EPHA6: variants seen among roughly 807,000 people sequenced by gnomAD.
EPHA6 encodes the protein EPH receptor A6.
Under a neutral mutation model 112.0 loss-of-function variants are expected in EPHA6, and 50 were observed. The observed-to-expected ratio is 0.45, with a 90% CI of 0.36 to 0.56. The LOEUF is 0.56. Among genes scored for constraint, EPHA6 ranks in the 20% least tolerant of loss-of-function variants. The pLI is 0.00. For missense variants in EPHA6, 1,280 were observed against 1,417.4 expected (o/e 0.90, Z 1.56); for synonymous variants, 529 against 490.7 (o/e 1.08, Z -1.03).
chr3:97,357,610 T>A (rs964665255), intron 5 of EPHA6, among the ~76,000 whole-genome samples: 2 of 152,198 alleles, frequency 1.3e-5, no homozygotes, highest in African/African-American at 4.8e-5. Flanking sequence ...GGATTTTTAG[T>A]TGACCCTTGA....
intron 3 of EPHA6, among the ~76,000 whole-genome samples, chr3:97,100,641 C>A (rs2047377171): frequency 6.6e-6 from 1 of 151,822 alleles, no homozygotes; most frequent in Admixed American, 6.6e-5. Flanking sequence ...TAAGTAGGAA[C>A]AAGACAGGAT....
chr3:97,538,169 A>G (rs575316198), intron 11 of EPHA6, among the ~76,000 whole-genome samples: 1 of 152,312 alleles, frequency 6.6e-6, no homozygotes, highest in Admixed American at 6.5e-5. Flanking sequence ...GACAAAATAT[A>G]AGGAGGCTAG....
chr3:97,164,943 G>T (rs539408159), intron 3 of EPHA6, among the ~76,000 whole-genome samples: 1 of 152,070 alleles, frequency 6.6e-6, no homozygotes, highest in African/African-American at 2.4e-5. Context: ...ATTTAATACT[G>T]TAAGAACAGA....
intron 12 of EPHA6, among the ~76,000 whole-genome samples, chr3:97,601,527 T>C (rs2093643310): frequency 6.6e-6 from 1 of 152,160 alleles, no homozygotes; most frequent in Admixed American, 6.6e-5. Context: ...TTCATTGTTT[T>C]GCTTTGTAGG....
intron 1 of EPHA6, among the ~76,000 whole-genome samples, chr3:96,846,242 G>A (rs1003289492): frequency 1.3e-5 from 2 of 151,994 alleles, no homozygotes; most frequent in African/African-American, 4.8e-5. Flanking sequence ...CTGTCCCATA[G>A]CGGTAATTCT....
intron 11 of EPHA6, among the ~76,000 whole-genome samples, chr3:97,585,877 G>C (rs2093483041): frequency 6.6e-6 from 1 of 152,024 alleles, no homozygotes; most frequent in Non-Finnish European, 1.5e-5. Context: ...TATGTCATAG[G>C]TTAAAAAATA....
At chr3:96,830,029 T>G (rs779661849) in intron 1 of EPHA6, among the ~76,000 whole-genome samples, 17 of 151,632 alleles carry the variant, frequency 1.1e-4, no homozygotes, top group South Asian at 2.1e-4. Context: ...TAAGTTCTTT[T>G]TCACTAGAGT....
chr3:97,274,529 G>A (rs79433817), intron 5 of EPHA6, among the ~76,000 whole-genome samples: 9 of 152,126 alleles, frequency 5.9e-5, no homozygotes, highest in African/African-American at 2.2e-4. Context: ...AATATGAAAG[G>A]CATATTTAGA....
At chr3:97,493,998 A>C (rs907050159) in intron 10 of EPHA6, among the ~76,000 whole-genome samples, 1 of 151,958 alleles carries the variant, frequency 6.6e-6, no homozygotes, top group Non-Finnish European at 1.5e-5. Flanking sequence ...GAAAGATTTC[A>C]AAAAATCAAT....
chr3:97,204,349 G>A (rs2077659554), intron 3 of EPHA6, among the ~76,000 whole-genome samples: 1 of 151,990 alleles, frequency 6.6e-6, no homozygotes, highest in African/African-American at 2.4e-5. Flanking sequence ...TCATTACATA[G>A]CACTTACCAT....
At chr3:96,888,606 A>T (rs902668142) in intron 2 of EPHA6, among the ~76,000 whole-genome samples, 2 of 152,130 alleles carry the variant, frequency 1.3e-5, no homozygotes, top group Non-Finnish European at 2.9e-5. Context: ...TCTTTCAGCC[A>T]TGCCTGGAGT....
chr3:97,714,248 T>C (rs559800798), intron 14 of EPHA6, among the ~76,000 whole-genome samples: 1 of 152,372 alleles, frequency 6.6e-6, no homozygotes, highest in East Asian at 1.9e-4. Flanking sequence ...GAGTGTACAC[T>C]GGGTGCTGGC....
At chr3:97,081,091 GAA>G (rs11365924) in intron 3 of EPHA6, among the ~76,000 whole-genome samples, 4 of 146,474 alleles carry the variant, frequency 2.7e-5, no homozygotes, top group African/African-American at 7.4e-5. Flanking sequence ...TTCATATATG[GAA>G]AAAAAAAAGA....
chr3:96,868,680 A>G (rs984096959), intron 2 of EPHA6, among the ~76,000 whole-genome samples: 1 of 152,006 alleles, frequency 6.6e-6, no homozygotes, highest in African/African-American at 2.4e-5. Context: ...CATGTAGACA[A>G]TATAATTGGC....
chr3:97,414,421 ACAC>A (rs2087962322), intron 6 of EPHA6, among the ~76,000 whole-genome samples: 1 of 151,998 alleles, frequency 6.6e-6, no homozygotes, highest in African/African-American at 2.4e-5. Context: ...TAGGTACTTA[ACAC>A]CCTCAAGAAA....
At chr3:97,538,992 TTTC>T (rs1267411359) in intron 11 of EPHA6, among the ~76,000 whole-genome samples, 3 of 142,548 alleles carry the variant, frequency 2.1e-5, no homozygotes, top group African/African-American at 8.3e-5. Flanking sequence ...TCTTTCTTTC[TTTC>T]TTTCTTTCTT....
chr3:97,124,002 G>A (rs1290713311), intron 3 of EPHA6, among the ~76,000 whole-genome samples: 1 of 151,942 alleles, frequency 6.6e-6, no homozygotes, highest in Non-Finnish European at 1.5e-5. Context: ...AACCAGCAAT[G>A]CTTTATTTCT....
At chr3:96,965,765 A>G (rs1003153428) in intron 2 of EPHA6, among the ~76,000 whole-genome samples, 26 of 152,098 alleles carry the variant, frequency 1.7e-4, no homozygotes, top group Non-Finnish European at 1.5e-4. Context: ...ACTATGTATT[A>G]ATGTATAATT....
intron 5 of EPHA6, among the ~76,000 whole-genome samples, chr3:97,332,982 G>C (rs1237195370): frequency 1.3e-5 from 2 of 151,548 alleles, no homozygotes; most frequent in African/African-American, 4.8e-5. Flanking sequence ...GAAAATGCTT[G>C]TCTATGTCTA....
Sources: gnomAD v4.1 joint callset for allele counts (sites outside exome capture counted in the v4.1 genomes callset) on GRCh38, gnomAD v4.1.1 for gene constraint, MANE v1.5 for transcripts, NCBI Gene and HGNC (gene_info 2026-07-23, HGNC 2026-07-21) for gene names.